The following SNTG1 variants were observed in gnomAD, a reference collection of about 807,000 sequenced individuals.
The protein encoded by SNTG1 is syntrophin gamma 1.
In SNTG1, 39 loss-of-function variants were observed where a neutral mutation model predicts 74.7. The observed-to-expected ratio is 0.52, with a 90% CI of 0.40 to 0.68. The LOEUF (loss-of-function observed/expected upper bound fraction) is 0.68, where lower values mean the gene tolerates loss of function less well. Ranked by LOEUF, SNTG1 falls within the 30% of genes least tolerant of loss-of-function variation. The pLI is 0.00. For synonymous variants in SNTG1, 254 were observed against 217.1 expected, an observed-to-expected ratio of 1.17 and a Z score of -1.49; for missense variants, 685 against 609.5, an observed-to-expected ratio of 1.12 and a Z score of -1.30.
At chr8:50,504,370 C>G (rs932100026) in intron 9 of SNTG1, among the ~76,000 whole-genome samples, 2 of 152,154 alleles carry the variant, frequency 1.3e-5, no homozygotes, top group Non-Finnish European at 2.9e-5. Context: ...TTTGACCCAG[C>G]AATCCCATCA....
At chr8:50,371,754 C>A (rs73579272) in intron 2 of SNTG1, among the ~76,000 whole-genome samples, 1 of 152,142 alleles carries the variant, frequency 6.6e-6, no homozygotes, top group African/African-American at 2.4e-5. Context: ...TACATCACAT[C>A]TTCCTGGTGA....
intron 2 of SNTG1, among the ~76,000 whole-genome samples, chr8:50,254,153 G>T (rs10957853): frequency 6.6e-6 from 1 of 151,966 alleles, no homozygotes; most frequent in African/African-American, 2.4e-5. Flanking sequence ...ATATTACATT[G>T]TATGCCATAA....
At chr8:50,290,474 A>G (rs1023924417) in intron 2 of SNTG1, among the ~76,000 whole-genome samples, 3 of 152,142 alleles carry the variant, frequency 2.0e-5, no homozygotes, top group Non-Finnish European at 2.9e-5. Flanking sequence ...GCCGGGAAAC[A>G]TCACTGTTTA....
intron 2 of SNTG1, among the ~76,000 whole-genome samples, chr8:50,274,221 G>A (rs2087955382): frequency 1.3e-5 from 2 of 151,804 alleles, no homozygotes; most frequent in Non-Finnish European, 1.5e-5. Flanking sequence ...CTAGTAGCTG[G>A]GATTACAGAT....
chr8:50,611,027 T>TA (rs2094846066), intron 13 of SNTG1, among the ~76,000 whole-genome samples: 1 of 152,194 alleles, frequency 6.6e-6, no homozygotes, highest in Non-Finnish European at 1.5e-5. Flanking sequence ...AGGAACTGTT[T>TA]AAAAATGCAT....
intron 11 of SNTG1, among the ~76,000 whole-genome samples, chr8:50,548,004 C>A (rs1347081752): frequency 6.6e-6 from 1 of 152,182 alleles, no homozygotes; most frequent in African/African-American, 2.4e-5. Context: ...TAAGCATCTG[C>A]ATATGTAATA....
intron 13 of SNTG1, among the ~76,000 whole-genome samples, chr8:50,624,046 T>TAA (rs887516179): frequency 6.6e-6 from 1 of 152,068 alleles, no homozygotes; most frequent in African/African-American, 2.4e-5. Context: ...ACTAATTCAA[T>TAA]AAACAGGCTT....
intron 1 of SNTG1, among the ~76,000 whole-genome samples, chr8:50,006,551 A>G (rs553536821): frequency 1.3e-5 from 2 of 152,172 alleles, no homozygotes; most frequent in African/African-American, 4.8e-5. Flanking sequence ...TTTTTTTTAA[A>G]AGAGGGCATT....
intron 10 of SNTG1, among the ~76,000 whole-genome samples, chr8:50,532,088 C>T (rs1229901138): frequency 6.6e-6 from 1 of 152,160 alleles, no homozygotes; most frequent in Non-Finnish European, 1.5e-5. Context: ...ATAAATTCTT[C>T]TTACTGGAGC....
chr8:50,257,098 C>A (rs1400787122), intron 2 of SNTG1, among the ~76,000 whole-genome samples: 1 of 151,878 alleles, frequency 6.6e-6, no homozygotes, highest in Admixed American at 6.6e-5. Flanking sequence ...GAAGCACACC[C>A]ACCAGCAGAA....
chr8:50,420,465 T>C (rs926408449), intron 4 of SNTG1, among the ~76,000 whole-genome samples: 8 of 151,740 alleles, frequency 5.3e-5, no homozygotes, highest in African/African-American at 1.9e-4. Context: ...CAAGACATCA[T>C]AAGATATAAG....
chr8:49,969,556 C>T (rs1311861715), intron 1 of SNTG1, among the ~76,000 whole-genome samples: 2 of 151,810 alleles, frequency 1.3e-5, no homozygotes, highest in Non-Finnish European at 1.5e-5. Flanking sequence ...ACCACCATGC[C>T]CAGCTAATTT....
chr8:50,785,077 A>T, intron 18 of SNTG1, among the ~76,000 whole-genome samples: 1 of 152,170 alleles, frequency 6.6e-6, no homozygotes, highest in African/African-American at 2.4e-5. Flanking sequence ...TTTTAACTTC[A>T]AATACTATAT....
chr8:50,176,246 C>T (rs138597190), intron 2 of SNTG1, among the ~76,000 whole-genome samples: 28 of 152,200 alleles, frequency 1.8e-4, no homozygotes, highest in Non-Finnish European at 1.5e-4. Flanking sequence ...GCTGACAGGA[C>T]GCAACTTCTA....
At chr8:50,487,135 G>C (rs1253254231) in intron 8 of SNTG1, among the ~76,000 whole-genome samples, 1 of 152,110 alleles carries the variant, frequency 6.6e-6, no homozygotes, top group Admixed American at 6.6e-5. Flanking sequence ...AAACCACAGT[G>C]AGATACCATC....
chr8:50,516,587 G>T (rs774041631), intron 9 of SNTG1, among the ~76,000 whole-genome samples: 2 of 152,176 alleles, frequency 1.3e-5, no homozygotes, highest in Non-Finnish European at 2.9e-5. Context: ...AATAAGTTTA[G>T]AGAAGAATAT....
intron 4 of SNTG1, among the ~76,000 whole-genome samples, chr8:50,411,865 G>A (rs1415752275): frequency 2.6e-5 from 4 of 152,140 alleles, no homozygotes; most frequent in Middle Eastern, 3.2e-3. Context: ...GGATTAGCCC[G>A]AGTTGGTCAC....
chr8:50,259,190 T>A (rs999797061), intron 2 of SNTG1, among the ~76,000 whole-genome samples: 1 of 151,998 alleles, frequency 6.6e-6, no homozygotes, highest in Admixed American at 6.6e-5. Context: ...CAGGCAAAAC[T>A]AGCTTTTTTC....
chr8:50,012,215 C>A lies in SNTG1; in HGVS notation c.-103+99984C>A, dbSNP rs76972759. On this transcript the variant is annotated intron_variant, in intron 1 of 18. Coordinates refer to ENST00000642720, the MANE Select transcript of SNTG1 (RefSeq NM_018967.5). ...TGAGCACATTGGCTTTTTTTGTGGA[C>A]GTTGCCTGCATCTTCTTTCCTGTTT... Among the ~76,000 whole-genome samples, 831 of 152,086 alleles carry A rather than the reference C, an allele frequency of 5.5e-3. 11 individuals are homozygous for A. The highest frequency in any genetic ancestry group is 0.019 in the African/African-American group (788 of 41,496).
Sources: gnomAD v4.1 joint callset for allele counts (sites outside exome capture counted in the v4.1 genomes callset) on GRCh38, gnomAD v4.1.1 for gene constraint, MANE v1.5 for transcripts, NCBI Gene and HGNC (gene_info 2026-07-23, HGNC 2026-07-21) for gene names.